The following BCAS3 variants were observed in gnomAD, a reference collection of about 807,000 sequenced individuals.
The protein encoded by BCAS3 is BCAS4/BCAS3 fusion.
Under a neutral mutation model 116.1 loss-of-function variants are expected in BCAS3, and 53 were observed. That is an observed-to-expected ratio of 0.46 (90% CI 0.37 to 0.57). The LOEUF (loss-of-function observed/expected upper bound fraction) is 0.57, where lower values mean the gene tolerates loss of function less well. Among genes scored for constraint, BCAS3 ranks in the 20% least tolerant of loss-of-function variants. The probability of loss-of-function intolerance (pLI) is 0.00; values close to 1 mark genes in which losing one functional copy is unlikely to be tolerated. For synonymous variants in BCAS3, 391 were observed against 408.2 expected (o/e 0.96, Z 0.51); for missense variants, 917 against 1,165.4 (o/e 0.79, Z 3.10).
chr17:61,333,184 A>C lies in BCAS3; in HGVS notation c.2426-35143A>C, dbSNP rs943249276. Among the ~76,000 whole-genome samples, 1 of 152,170 alleles carries C rather than the reference A, an allele frequency of 6.6e-6. No individual in the cohort carries two copies. The highest frequency in any genetic ancestry group is 1.5e-5 in the Non-Finnish European group (1 of 68,034). On this transcript the variant is annotated intron_variant, in intron 22 of 23. Coordinates refer to ENST00000407086, the MANE Select transcript of BCAS3 (RefSeq NM_017679.5). This position sits in a 1 kb window ranked among gnomAD's most constrained non-coding sequence, Gnocchi z 4.8. Reference sequence around the variant, plus strand: ...GGTCAGAGAGGACACCTGTGTGATCAGAGAAACAAAGTCTGGTGAGAGGAG... The same window carrying C: ...GGTCAGAGAGGACACCTGTGTGATCCGAGAAACAAAGTCTGGTGAGAGGAG...
chr17:60,797,742 T>G (rs1047821999), intron 6 of BCAS3, among the ~76,000 whole-genome samples: 3 of 152,138 alleles, frequency 2.0e-5, no homozygotes, highest in African/African-American at 7.2e-5. Context: ...GTGCATGTGT[T>G]CTCACTGTTC....
intron 17 of BCAS3, chr17:61,036,406 T>C (rs915814343): frequency 1.5e-4 from 23 of 152,320 alleles, no homozygotes; most frequent in Admixed American, 1.4e-3. Context: ...AGGATACTGT[T>C]AAGTATGCAA....
intron 6 of BCAS3, among the ~76,000 whole-genome samples, chr17:60,783,327 G>T (rs983984116): frequency 4.6e-5 from 7 of 152,088 alleles, no homozygotes; most frequent in African/African-American, 1.7e-4. Flanking sequence ...ACCTCAGTCT[G>T]CTGAGTAGCT....
chr17:61,282,178 C>T lies in BCAS3; in HGVS notation c.2426-86149C>T, dbSNP rs1468190421. Among the ~76,000 whole-genome samples, 4 of 152,192 alleles carry T rather than the reference C, an allele frequency of 2.6e-5. No homozygotes were observed. Among genetic ancestry groups the T allele is most frequent in the Admixed American group, 2.6e-4 (4 of 15,276 alleles). The stretch of plus-strand genomic sequence containing the variant: ...ATTTGGGACAGTTTTTCAGTGAACA[C>T]ATTCATATATGCTTTTATTATTTTT... On this transcript the variant is annotated intron_variant, in intron 22 of 23. Coordinates refer to ENST00000407086, the MANE Select transcript of BCAS3 (RefSeq NM_017679.5). This position sits in a 1 kb window ranked among gnomAD's most constrained non-coding sequence, Gnocchi z 5.9.
intron 22 of BCAS3, among the ~76,000 whole-genome samples, chr17:61,298,442 G>C (rs1044697451): frequency 3.3e-5 from 5 of 152,132 alleles, no homozygotes; most frequent in African/African-American, 7.2e-5. Context: ...AATAAAAAAG[G>C]AAATAAAATG....
chr17:60,951,539 G>A (rs1169393576), intron 14 of BCAS3, among the ~76,000 whole-genome samples: 1 of 152,052 alleles, frequency 6.6e-6, no homozygotes, highest in African/African-American at 2.4e-5. Flanking sequence ...GTTTATTGTA[G>A]ATGAAATTGT....
chr17:60,966,785 T>G (rs1034285272), intron 14 of BCAS3, among the ~76,000 whole-genome samples: 3 of 151,810 alleles, frequency 2.0e-5, no homozygotes, highest in South Asian at 2.1e-4. Flanking sequence ...CCTGAGTAGC[T>G]GGGATTACAG....
At chr17:60,966,226 G>A (rs1420714805) in intron 14 of BCAS3, among the ~76,000 whole-genome samples, 1 of 152,186 alleles carries the variant, frequency 6.6e-6, no homozygotes, top group African/African-American at 2.4e-5. Flanking sequence ...CTTTATAGGT[G>A]AAGTGGATTT....
intron 22 of BCAS3, among the ~76,000 whole-genome samples, chr17:61,166,629 C>T (rs2078522310): frequency 6.6e-6 from 1 of 152,080 alleles, no homozygotes; most frequent in African/African-American, 2.4e-5. Context: ...AACTCCTGAC[C>T]TCAAGTGATC....
intron 22 of BCAS3, among the ~76,000 whole-genome samples, chr17:61,236,764 TAA>T (rs146982159): frequency 2.1e-5 from 3 of 142,750 alleles, no homozygotes; most frequent in Non-Finnish European, 4.6e-5. Flanking sequence ...ATGGAGAAGG[TAA>T]AAAAAAAAAA....
At chr17:61,113,947 TA>T (rs1254873331) in intron 22 of BCAS3, among the ~76,000 whole-genome samples, 1 of 133,740 alleles carries the variant, frequency 7.5e-6, no homozygotes, top group Non-Finnish European at 1.6e-5. Flanking sequence ...CGCAAATCAA[TA>T]AATGTAATCC....
At chr17:60,946,370 C>A (rs2060496767) in intron 13 of BCAS3, among the ~76,000 whole-genome samples, 1 of 152,002 alleles carries the variant, frequency 6.6e-6, no homozygotes. Flanking sequence ...GAAACTTTTA[C>A]AAGGAAAGAG....
rs540111449 is a variant in BCAS3 at position 60,852,135 on chromosome 17, T to G, written c.477-16441T>G. 4.5e-4 allele frequency among the ~76,000 whole-genome samples: 61 copies of G among 136,104 alleles called. 1 individual carries two copies. The South Asian group carries it at 0.013, about 29-fold the overall frequency. 89.3% of individuals were successfully genotyped at this position (136,104 alleles called of 152,430 possible). On this transcript the variant is annotated intron_variant, in intron 7 of 23. Transcript: ENST00000407086. ...TTTTAAATTACTTCTATTCCCGTGG[T>G]TTTTTTTTTTATTATACTTTAAGTT...
In BCAS3 at chr17:61,285,428, T is replaced by C. The variant is rs892267087; in HGVS notation, c.2426-82899T>C. Among the ~76,000 whole-genome samples the C allele has an allele frequency of 7.2e-5, 11 of 152,204 alleles. No homozygotes were observed. Among genetic ancestry groups the C allele is most frequent in the African/African-American group, 2.7e-4 (11 of 41,452 alleles). On this transcript the variant is annotated intron_variant, in intron 22 of 23. Coordinates refer to ENST00000407086, the MANE Select transcript of BCAS3 (RefSeq NM_017679.5). This position sits in a 1 kb window ranked among gnomAD's most constrained non-coding sequence, Gnocchi z 5.4. ...CAACAGGTGTCAGTTACACTTTACC[T>C]GGCCCTAAAGTGAAAAGCTCTACAT... is the stretch of plus-strand genomic sequence containing the variant.
chr17:60,749,343 T>C (rs1325028709), intron 6 of BCAS3, among the ~76,000 whole-genome samples: 1 of 152,250 alleles, frequency 6.6e-6, no homozygotes, highest in African/African-American at 2.4e-5. Context: ...GATACCTTTT[T>C]CTTTGTGGCT....
In BCAS3 at chr17:61,228,789, A is replaced by T. The variant is rs1013646650; in HGVS notation, c.2426-139538A>T. 3.3e-5 allele frequency among the ~76,000 whole-genome samples: 5 copies of T among 152,190 alleles called. No individual in the cohort carries two copies. Among genetic ancestry groups the T allele is most frequent in the African/African-American group, 1.2e-4 (5 of 41,442 alleles). ...ATTCCATGAGCCACAATAATATTGA[A>T]ATTGGGCCAATTAATACCCCTACAA... On this transcript the variant is annotated intron_variant, in intron 22 of 23. Coordinates refer to ENST00000407086, the MANE Select transcript of BCAS3 (RefSeq NM_017679.5). The surrounding 1 kb of genome is among the most constrained non-coding windows in gnomAD (Gnocchi z 5.0).
rs1012776627 is a variant in BCAS3 at position 61,122,078 on chromosome 17, T to C, written c.2425+37514T>C. On this transcript the variant is annotated intron_variant, in intron 22 of 23. Coordinates refer to ENST00000407086, the MANE Select transcript of BCAS3 (RefSeq NM_017679.5). This position sits in a 1 kb window ranked among gnomAD's most constrained non-coding sequence, Gnocchi z 4.6. The stretch of plus-strand genomic sequence containing the variant: ...AAATTTAAGAGAAAGTATGCAAAGA[T>C]AGATTGATTTTCTTAATATTTTCAG... 3.3e-5 allele frequency among the ~76,000 whole-genome samples: 5 copies of C among 152,176 alleles called. No homozygotes were observed. The highest frequency in any genetic ancestry group is 7.3e-5 in the Non-Finnish European group (5 of 68,032).
At chr17:61,149,297 T>A (rs897909390) in intron 22 of BCAS3, among the ~76,000 whole-genome samples, 1 of 152,140 alleles carries the variant, frequency 6.6e-6, no homozygotes, top group Non-Finnish European at 1.5e-5. Flanking sequence ...TATGTACAGC[T>A]GTAAAAAGCT....
rs2057394745 is a variant in BCAS3 at position 61,344,727 on chromosome 17, G to A, written c.2426-23600G>A. 6.6e-6 allele frequency among the ~76,000 whole-genome samples: 1 copy of A among 152,106 alleles called. No individual in the cohort carries two copies. The highest frequency in any genetic ancestry group is 2.4e-5 in the African/African-American group (1 of 41,400). The stretch of plus-strand genomic sequence containing the variant: ...AAAGGCCCTGGGGTGAAAGGAAGGA[G>A]GTTGTTGGAGGGACTGAGGGAGGTT... On this transcript the variant is annotated intron_variant, in intron 22 of 23. Transcript: ENST00000407086. The surrounding 1 kb of genome is among the most constrained non-coding windows in gnomAD (Gnocchi z 4.1).
Sources: allele counts gnomAD v4.1 joint callset (sites outside exome capture counted in the v4.1 genomes callset), GRCh38; gene constraint gnomAD v4.1.1; non-coding constraint Gnocchi (gnomAD v3.1); transcripts MANE v1.5; gene names NCBI Gene and HGNC (gene_info 2026-07-23, HGNC 2026-07-21).